MGRN1: variants seen among roughly 807,000 people sequenced by gnomAD.
The protein encoded by MGRN1 is E3 ubiquitin-protein ligase MGRN1.
MGRN1 carries 29 observed loss-of-function variants against 69.2 expected under a neutral mutation model. The ratio of observed to expected loss-of-function variants is 0.42; its 90% CI spans 0.31 to 0.57. The LOEUF (loss-of-function observed/expected upper bound fraction) is 0.57, where lower values mean the gene tolerates loss of function less well. MGRN1 is among the 20% of genes least tolerant of loss of function. MGRN1 has a pLI of 0.15. For synonymous variants in MGRN1, 470 were observed against 344.2 expected (o/e 1.37, Z -4.04); for missense variants, 998 against 796.2 (o/e 1.25, Z -3.05).
intron 1 of MGRN1, among the ~76,000 whole-genome samples, chr16:4,633,023 C>T (rs1285080171): frequency 6.6e-6 from 1 of 152,148 alleles, no homozygotes; most frequent in Non-Finnish European, 1.5e-5. Flanking sequence ...GTCGAGGCTG[C>T]AGTGAGCTAT....
chr16:4,688,411 A>C, intron 16 of MGRN1: 1 of 1,028,412 alleles, frequency 9.7e-7, no homozygotes, highest in Non-Finnish European at 1.2e-6. Flanking sequence ...GGGTTGACCG[A>C]GTTCCACCCT....
intron 4 of MGRN1, among the ~76,000 whole-genome samples, chr16:4,655,474 C>A (rs1209556802): frequency 6.6e-6 from 1 of 151,988 alleles, no homozygotes; most frequent in Admixed American, 6.6e-5. Flanking sequence ...AGAGCAGGAA[C>A]AGCTCCAGTG....
intron 10 of MGRN1, among the ~76,000 whole-genome samples, chr16:4,676,576 C>G (rs2079057887): frequency 6.6e-6 from 1 of 152,162 alleles, no homozygotes; most frequent in Non-Finnish European, 1.5e-5. Flanking sequence ...GACTGCTGTT[C>G]TCAGTAGAAA....
At chr16:4,670,330 C>T (rs182323952) in intron 8 of MGRN1, among the ~76,000 whole-genome samples, 1 of 152,192 alleles carries the variant, frequency 6.6e-6, no homozygotes, top group Non-Finnish European at 1.5e-5. Context: ...GTAGCCTCCA[C>T]CTCCTGGGTT....
At chr16:4,632,907 AC>A (rs1296409240) in intron 1 of MGRN1, among the ~76,000 whole-genome samples, 1 of 151,876 alleles carries the variant, frequency 6.6e-6, no homozygotes, top group African/African-American at 2.4e-5. Context: ...ACACGGCAAA[AC>A]CTTGTCTCTA....
intron 4 of MGRN1, among the ~76,000 whole-genome samples, chr16:4,655,659 CCT>C (rs2078520733): frequency 6.6e-6 from 1 of 152,136 alleles, no homozygotes; most frequent in South Asian, 2.1e-4. Flanking sequence ...CCACTGTCCC[CCT>C]CTCTCAGGAC....
intron 12 of MGRN1, among the ~76,000 whole-genome samples, chr16:4,680,977 C>T (rs2079169846): frequency 6.6e-6 from 1 of 152,234 alleles, no homozygotes; most frequent in Admixed American, 6.5e-5. Flanking sequence ...GACTTCCGTT[C>T]CCCAGAACCT....
At chr16:4,648,268 C>T (rs1263245227) in intron 1 of MGRN1, among the ~76,000 whole-genome samples, 7 of 150,714 alleles carry the variant, frequency 4.6e-5, no homozygotes, top group South Asian at 2.1e-4. Flanking sequence ...CTCCTCCTCC[C>T]GGGGACTCTT....
In MGRN1 at chr16:4,644,528, TC is replaced by T. The variant is rs1427321167; in HGVS notation, c.89-5835del. The stretch of plus-strand genomic sequence containing the variant: ...TTTCTCCATTATGGTCAGGCTGGTC[TC>T]CAACTCCTGACCTCAGGTGATCCAC... On this transcript the variant is annotated intron_variant, in intron 1 of 16. Coordinates refer to ENST00000262370, the MANE Select transcript of MGRN1 (RefSeq NM_015246.4). 5.9e-5 allele frequency among the ~76,000 whole-genome samples: 9 copies of T among 152,162 alleles called. No homozygotes were observed. The South Asian group carries it at 1.2e-3, about 21-fold the overall frequency.
At chr16:4,682,310 C>T (rs531530404) in intron 13 of MGRN1, among the ~76,000 whole-genome samples, 2 of 152,358 alleles carry the variant, frequency 1.3e-5, no homozygotes, top group East Asian at 3.9e-4. Context: ...GAGGGCCTGG[C>T]TCCTGGGGTT....
intron 16 of MGRN1, chr16:4,687,136 C>G (rs1055547356): frequency 1.0e-6 from 1 of 985,354 alleles, no homozygotes; most frequent in African/African-American, 1.7e-5. Flanking sequence ...TCACCTGTCC[C>G]TCCCAGTACT....
chr16:4,641,233 C>T (rs1405403086), intron 1 of MGRN1, among the ~76,000 whole-genome samples: 4 of 152,254 alleles, frequency 2.6e-5, no homozygotes, highest in African/African-American at 9.6e-5. Flanking sequence ...GGCGGCCCCG[C>T]CCCTAACACT....
chr16:4,686,607 A>G, intron 16 of MGRN1: 1 of 1,207,582 alleles, frequency 8.3e-7, no homozygotes, highest in Non-Finnish European at 1.0e-6. Flanking sequence ...CCAGGCAGGG[A>G]GACAGACACA....
intron 5 of MGRN1, among the ~76,000 whole-genome samples, chr16:4,663,391 T>TTTTC (rs150893432): frequency 9.7e-5 from 12 of 123,176 alleles, no homozygotes; most frequent in Admixed American, 1.7e-4. Flanking sequence ...TTTTTTTTTT[T>TTTTC]ACACCTTTAT....
Position 4,651,989 on chromosome 16 carries a change from C to A in MGRN1, c.234C>A (p.His78Gln), listed in dbSNP as rs369377836. The A allele has an allele frequency of 6.2e-7, 1 of 1,614,042 alleles. No homozygotes were observed. The highest frequency in any genetic ancestry group is 1.7e-5 in the Admixed American group (1 of 60,010). Residue 78 changes from histidine to glutamine, a missense_variant, in exon 3 of 17, where the codon CAC becomes CAA. His to Gln is a conservative substitution (Grantham distance 24). Coordinates refer to ENST00000262370, the MANE Select transcript of MGRN1 (RefSeq NM_015246.4). ...VQFPYVTPAP[H>Q]EPVKTLRSLV... ...TTCCCTACGTCACTCCTGCCCCCCA[C>A]GAGCCCGTGAAGACGCTGCGGAGCC...
intron 10 of MGRN1, among the ~76,000 whole-genome samples, chr16:4,675,330 C>G (rs965223994): frequency 2.0e-5 from 3 of 152,090 alleles, no homozygotes; most frequent in Admixed American, 1.3e-4. Context: ...AGCCTGGTCT[C>G]GAACTCTTGG....
chr16:4,642,017 T>C (rs2078170270), intron 1 of MGRN1, among the ~76,000 whole-genome samples: 1 of 152,070 alleles, frequency 6.6e-6, no homozygotes, highest in African/African-American at 2.4e-5. Context: ...AGGTGTGAGT[T>C]GTTGATTGTC....
rs574871482 is a variant in MGRN1, at chr16:4,687,475, G to A, written c.1619-1321G>A. ...GTGGGAGGATTGCCGGAGCTGGGGA[G>A]GTCAAGGCCCACTCCAGCCTGAGAC... is the stretch of plus-strand genomic sequence containing the variant. On this transcript the variant is annotated intron_variant, in intron 16 of 16. Transcript: ENST00000262370. The A allele has an allele frequency of 1.0e-4, 99 of 965,462 alleles. No homozygotes were observed. The South Asian group carries it at 4.5e-3, about 44-fold the overall frequency. 59.8% of individuals were successfully genotyped at this position (965,462 alleles called of 1,614,324 possible).
At chr16:4,680,236 C>A in intron 12 of MGRN1, 139 bp downstream of exon 12, 1 of 830,004 alleles carries the variant, frequency 1.2e-6, no homozygotes, top group Non-Finnish European at 1.9e-6. Context: ...CAGTCCCGGC[C>A]TCCCTGCCCA....
Sources: allele counts gnomAD v4.1 joint callset (sites outside exome capture counted in the v4.1 genomes callset), GRCh38; gene constraint gnomAD v4.1.1; transcripts MANE v1.5; gene names NCBI Gene and HGNC (gene_info 2026-07-23, HGNC 2026-07-21).